The following PLCB1 variants were observed in gnomAD, a reference collection of about 807,000 sequenced individuals.
PLCB1 encodes phospholipase C beta 1.
A neutral mutation model predicts 161.8 loss-of-function variants in PLCB1; 46 were observed. The ratio of observed to expected loss-of-function variants is 0.28; its 90% CI spans 0.22 to 0.36. The LOEUF (loss-of-function observed/expected upper bound fraction) is 0.36, where lower values mean the gene tolerates loss of function less well. Among genes scored for constraint, PLCB1 ranks in the 10% least tolerant of loss-of-function variants. PLCB1 has a pLI of 1.00. For synonymous variants in PLCB1, 517 were observed against 503.7 expected (o/e 1.03, Z -0.35); for missense variants, 1,016 against 1,472.5 (o/e 0.69, Z 5.07).
intron 3 of PLCB1, among the ~76,000 whole-genome samples, chr20:8,514,411 G>A (rs1984023618): frequency 6.8e-6 from 1 of 146,362 alleles, no homozygotes; most frequent in African/African-American, 2.5e-5. Context: ...CTACACTCCA[G>A]CCTGCGCTGG....
chr20:8,445,375 C>A (rs1349951415), intron 3 of PLCB1, among the ~76,000 whole-genome samples: 1 of 152,082 alleles, frequency 6.6e-6, no homozygotes, highest in Non-Finnish European at 1.5e-5. Context: ...GGTATTATTT[C>A]TGAGGGCTCT....
chr20:8,881,320 A>AAAAG (rs1206460030), intron 31 of PLCB1, among the ~76,000 whole-genome samples: 2 of 112,112 alleles, frequency 1.8e-5, no homozygotes, highest in Admixed American at 8.9e-5. Context: ...CACCTTTTTC[A>AAAAG]AAAGACCCGT....
chr20:8,410,033 A>T (rs1274430330), intron 3 of PLCB1, among the ~76,000 whole-genome samples: 2 of 152,022 alleles, frequency 1.3e-5, no homozygotes, highest in Non-Finnish European at 2.9e-5. Context: ...AAAAACTGTA[A>T]TTTTTTATAA....
At chr20:8,673,148 A>G (rs1989992537) in intron 9 of PLCB1, among the ~76,000 whole-genome samples, 1 of 151,858 alleles carries the variant, frequency 6.6e-6, no homozygotes. Context: ...AAATAAATAA[A>G]TAAATAAAGT....
At chr20:8,771,768 T>C (rs776913617) in intron 26 of PLCB1, among the ~76,000 whole-genome samples, 1 of 152,210 alleles carries the variant, frequency 6.6e-6, no homozygotes, top group African/African-American at 2.4e-5. Context: ...GGTCTGATTA[T>C]GTCTACCTGT....
Position 8,727,254 on chromosome 20 carries a change from C to T in PLCB1, c.1679-55C>T, listed in dbSNP as rs888845791. The T allele has an allele frequency of 1.8e-5, 15 of 820,156 alleles. No individual in the cohort carries two copies. The African/African-American group carries it at 1.9e-4, about 10-fold the overall frequency. 50.8% of individuals were successfully genotyped at this position (820,156 alleles called of 1,614,324 possible). ...TCTTTTATAATGTTATAATTTATAA[C>T]AATGAATTGTATTTCTCACCTTCCC... is the stretch of plus-strand genomic sequence containing the variant. On this transcript the variant is annotated intron_variant, in intron 16 of 31. Coordinates refer to ENST00000338037, the MANE Select transcript of PLCB1 (RefSeq NM_015192.4).
intron 3 of PLCB1, among the ~76,000 whole-genome samples, chr20:8,415,810 T>C (rs6055801): frequency 0.02 from 3,021 of 152,244 alleles, 114 homozygotes; most frequent in African/African-American, 0.07. Context: ...CAGAAAAATA[T>C]CAATGTCTGC....
intron 31 of PLCB1, among the ~76,000 whole-genome samples, chr20:8,837,589 T>G (rs2146286148): frequency 6.6e-6 from 1 of 152,352 alleles, no homozygotes; most frequent in South Asian, 2.1e-4. Flanking sequence ...AATGCTGAAC[T>G]TCCCTTGGTT....
At chr20:8,187,426 T>G (rs1360601737) in intron 2 of PLCB1, among the ~76,000 whole-genome samples, 1 of 152,184 alleles carries the variant, frequency 6.6e-6, no homozygotes, top group Non-Finnish European at 1.5e-5. Flanking sequence ...TATCTAAAGT[T>G]CTAAACTCTG....
intron 2 of PLCB1, among the ~76,000 whole-genome samples, chr20:8,197,866 CT>C (rs1349656531): frequency 6.6e-6 from 1 of 152,150 alleles, no homozygotes; most frequent in African/African-American, 2.4e-5. Flanking sequence ...CCAGTTTCAG[CT>C]TTCTACATAT....
intron 31 of PLCB1, among the ~76,000 whole-genome samples, chr20:8,790,876 G>A (rs1181403446): frequency 6.6e-6 from 1 of 152,062 alleles, no homozygotes; most frequent in African/African-American, 2.4e-5. Context: ...TTACCAAATG[G>A]CATCTCAGTT....
At position 8,708,675 on chromosome 20, in the gene PLCB1, G is replaced by A. The variant is rs1045929388; in HGVS notation, c.1173G>A (p.Val391=). ...ACATGTGTTCTCATTTTTAGGAAGT[G>A]ATAGAAGCAATTGCGGAGTGTGCAT... ...TMTTEISFKE[V]IEAIAECAFK... Residue 391 remains valine, a synonymous_variant, in exon 12 of 32, where the codon GTG becomes GTA. Transcript: ENST00000338037. The A allele has an allele frequency of 6.2e-7, 1 of 1,609,396 alleles. No individual in the cohort carries two copies. Among genetic ancestry groups the A allele is most frequent in the Non-Finnish European group, 8.5e-7 (1 of 1,175,962 alleles).
intron 2 of PLCB1, among the ~76,000 whole-genome samples, chr20:8,195,348 G>A (rs1209206140): frequency 6.6e-6 from 1 of 152,012 alleles, no homozygotes; most frequent in Non-Finnish European, 1.5e-5. Context: ...CCACTGAGGG[G>A]TGATTAGGGC....
intron 3 of PLCB1, among the ~76,000 whole-genome samples, chr20:8,565,352 G>A (rs1986295124): frequency 6.6e-6 from 1 of 152,060 alleles, no homozygotes; most frequent in Non-Finnish European, 1.5e-5. Flanking sequence ...TGGGGGGTTA[G>A]GGCATGGATA....
At chr20:8,446,826 T>C (rs1980855770) in intron 3 of PLCB1, among the ~76,000 whole-genome samples, 1 of 152,040 alleles carries the variant, frequency 6.6e-6, no homozygotes, top group Admixed American at 6.5e-5. Context: ...ATGACTTACT[T>C]TTTTTTCTTT....
intron 31 of PLCB1, among the ~76,000 whole-genome samples, chr20:8,807,141 G>A (rs1041563716): frequency 6.6e-5 from 10 of 152,178 alleles, no homozygotes; most frequent in Non-Finnish European, 2.9e-5. Context: ...TTGAGTCCGT[G>A]AAGGATGCGA....
intron 3 of PLCB1, among the ~76,000 whole-genome samples, chr20:8,579,544 T>G (rs1216860707): frequency 6.6e-6 from 1 of 152,230 alleles, no homozygotes; most frequent in African/African-American, 2.4e-5. Flanking sequence ...CACCTTGATT[T>G]CTCAATATTC....
chr20:8,368,245 G>A (rs935384767), intron 2 of PLCB1, among the ~76,000 whole-genome samples: 1 of 151,910 alleles, frequency 6.6e-6, no homozygotes, highest in Admixed American at 6.6e-5. Context: ...AAAATATTAC[G>A]GGCCGGGCAC....
intron 2 of PLCB1, among the ~76,000 whole-genome samples, chr20:8,278,214 A>G (rs985036030): frequency 2.1e-5 from 3 of 145,926 alleles, no homozygotes; most frequent in African/African-American, 7.8e-5. Context: ...GTGCAGAAAA[A>G]TGTGTATGAT....
Sources: allele counts gnomAD v4.1 joint callset (sites outside exome capture counted in the v4.1 genomes callset), GRCh38; gene constraint gnomAD v4.1.1; transcripts MANE v1.5; gene names NCBI Gene and HGNC (gene_info 2026-07-23, HGNC 2026-07-21).